DMD: variants seen among roughly 807,000 people sequenced by gnomAD.
The protein encoded by DMD is mutant dystrophin.
A neutral mutation model predicts 330.1 loss-of-function variants in DMD; 63 were observed. The observed-to-expected ratio is 0.19, with a 90% CI of 0.16 to 0.24. The LOEUF is 0.24. Ranked by LOEUF, DMD falls within the 10% of genes least tolerant of loss-of-function variation. The pLI, the probability that DMD is intolerant of heterozygous loss-of-function variation, is 1.00. For missense variants in DMD, 3,344 were observed against 2,684.1 expected (o/e 1.25, Z -5.43); for synonymous variants, 1,223 against 959.8 (o/e 1.27, Z -5.07).
intron 18 of DMD, among the ~76,000 whole-genome samples, chrX:32,514,578 A>G (rs2045663883): frequency 9.0e-6 from 1 of 111,683 alleles, no homozygotes; most frequent in African/African-American, 3.3e-5. Context: ...CGTCTCTACT[A>G]AAAATACAAA....
chrX:31,687,249 T>C (rs763596960), intron 52 of DMD, among the ~76,000 whole-genome samples: 2 of 110,850 alleles, frequency 1.8e-5, no homozygotes, highest in Admixed American at 1.9e-4. Flanking sequence ...GCTGTGGTGG[T>C]TATGGTGAAA....
At chrX:32,413,442 C>G (rs755566502) in intron 29 of DMD, among the ~76,000 whole-genome samples, 14 of 111,245 alleles carry the variant, frequency 1.3e-4, no homozygotes, top group Non-Finnish European at 2.4e-4. Context: ...CATCATGTTG[C>G]ATCTAATCAG....
chrX:31,617,534 C>CAAAAAAA (rs749572753), intron 55 of DMD, among the ~76,000 whole-genome samples: 16 of 32,043 alleles, frequency 5.0e-4, no homozygotes, highest in Admixed American at 2.7e-3. Flanking sequence ...GACTTCGTCT[C>CAAAAAAA]AAAAAAAAAA....
chrX:32,803,464 C>T lies in DMD; in HGVS notation c.649+6029G>A, dbSNP rs113895862. ...TAAGGGTTTTTCGTGTCTCTATCTCCTTCAGTTCTGCTCTTAGTTATTTGT... is the reference window on the plus strand; with the variant it reads ...TAAGGGTTTTTCGTGTCTCTATCTCTTTCAGTTCTGCTCTTAGTTATTTGT... On this transcript the variant is annotated intron_variant, in intron 7 of 78. Coordinates refer to ENST00000357033, the MANE Select transcript of DMD (RefSeq NM_004006.3). 4.2e-3 allele frequency among the ~76,000 whole-genome samples: 460 copies of T among 109,127 alleles called. 1 individual carries two copies. The highest frequency in any genetic ancestry group is 0.014 in the African/African-American group (432 of 29,866). 94.8% of individuals were successfully genotyped at this position (109,127 alleles called of 115,157 possible).
intron 67 of DMD, 126 bp from the exon 68 acceptor site, chrX:31,183,030 G>A: frequency 1.7e-6 from 1 of 599,983 alleles, no homozygotes; most frequent in South Asian, 3.1e-5. Context: ...AACAATGGTT[G>A]CAAAGCTAGG....
chrX:32,974,596 A>C (rs770169382), intron 2 of DMD, among the ~76,000 whole-genome samples: 1 of 110,955 alleles, frequency 9.0e-6, no homozygotes, highest in Non-Finnish European at 1.9e-5. Flanking sequence ...GGGTTTGTTC[A>C]TTTTTGTTTT....
intron 7 of DMD, among the ~76,000 whole-genome samples, chrX:32,701,169 G>A (rs190353858): frequency 4.5e-5 from 5 of 111,782 alleles, no homozygotes; most frequent in African/African-American, 1.6e-4. Context: ...CCCAAGTGAT[G>A]CTGAAACTGC....
At chrX:31,153,378 T>A (rs1167631194) in intron 74 of DMD, among the ~76,000 whole-genome samples, 1 of 112,292 alleles carries the variant, frequency 8.9e-6, no homozygotes, top group East Asian at 2.8e-4. Flanking sequence ...CAAATAGTAA[T>A]CCTGGCTTTG....
chrX:32,611,634 C>T (rs2057181785), intron 12 of DMD, among the ~76,000 whole-genome samples: 1 of 111,510 alleles, frequency 9.0e-6, no homozygotes, highest in Non-Finnish European at 1.9e-5. Flanking sequence ...TGTTCAGCGT[C>T]CCAAGCTAAG....
chrX:33,103,741 ATACT>A (rs1355012159), intron 1 of DMD, among the ~76,000 whole-genome samples: 2 of 111,632 alleles, frequency 1.8e-5, no homozygotes, highest in Non-Finnish European at 3.8e-5. Context: ...TTAGAAAAGC[ATACT>A]TACTTATGTC....
Position 32,287,593 on chromosome X carries a change from C to T in DMD, c.6226G>A (p.Glu2076Lys). ...TGGAAATCAAGCTGGGAGAGAGCTT[C>T]CTGTAGCTTCACCCTTTCCACAGGC... ...ATPVERVKLQ[E>K]ALSQLDFQWE... The change falls in exon 43 of 79, where the codon GAA becomes AAA. Residue 2076 changes from glutamate to lysine, a missense_variant. By Grantham distance (56) the Glu-to-Lys change is moderately conservative. Transcript: ENST00000357033. The T allele has an allele frequency of 2.5e-6, 3 of 1,210,915 alleles. No homozygotes were observed. Among genetic ancestry groups the T allele is most frequent in the African/African-American group, 1.7e-5 (1 of 57,714 alleles).
In DMD at chrX:33,004,581, G is replaced by A. The variant is rs1043422959; in HGVS notation, c.93+15558C>T. 6.3e-5 allele frequency among the ~76,000 whole-genome samples: 7 copies of A among 110,488 alleles called. No individual in the cohort carries two copies. The East Asian group carries it at 1.7e-3, about 27-fold the overall frequency. On this transcript the variant is annotated intron_variant, in intron 2 of 78. Coordinates refer to ENST00000357033, the MANE Select transcript of DMD (RefSeq NM_004006.3). ...TTTTATGTTTCCCTATCCCTTCATC[G>A]ATATTTATTTTTAGTGTTTTTCTGG... is the stretch of plus-strand genomic sequence containing the variant.
At chrX:33,041,518 G>A in intron 1 of DMD, 1 of 1,206,716 alleles carries the variant, frequency 8.3e-7, no homozygotes, top group Non-Finnish European at 1.1e-6. Flanking sequence ...AAAAATGAGA[G>A]CTGAAGATGG....
intron 7 of DMD, among the ~76,000 whole-genome samples, chrX:32,795,807 A>G (rs1379399950): frequency 8.9e-6 from 1 of 111,763 alleles, no homozygotes; most frequent in Admixed American, 9.5e-5. Flanking sequence ...GACAATAATA[A>G]GTATTTCTCA....
intron 55 of DMD, among the ~76,000 whole-genome samples, chrX:31,553,421 G>A (rs1271877142): frequency 9.0e-6 from 1 of 111,653 alleles, no homozygotes; most frequent in Non-Finnish European, 1.9e-5. Flanking sequence ...TTAGGTTGGT[G>A]CAAAAGTAAT....
chrX:32,123,244 A>T (rs867730565), intron 44 of DMD, among the ~76,000 whole-genome samples: 778 of 42,283 alleles, frequency 0.018, 20 homozygotes, highest in African/African-American at 0.059. Context: ...TATATATATA[A>T]ATGATCAAAA....
intron 44 of DMD, among the ~76,000 whole-genome samples, chrX:32,196,130 GA>G (rs768725632): frequency 5.9e-4 from 66 of 111,584 alleles, no homozygotes; most frequent in African/African-American, 2.1e-3. Flanking sequence ...AACTATTTTG[GA>G]AAAAAATGTA....
chrX:31,756,086 C>T (rs2089053273), intron 51 of DMD, among the ~76,000 whole-genome samples: 1 of 111,061 alleles, frequency 9.0e-6, no homozygotes, highest in Non-Finnish European at 1.9e-5. Context: ...TAAGAAATTA[C>T]TTTATGGAGA....
At chrX:32,777,282 G>T (rs112710562) in intron 7 of DMD, among the ~76,000 whole-genome samples, 1 of 54,132 alleles carries the variant, frequency 1.8e-5, no homozygotes, top group Non-Finnish European at 3.7e-5. Context: ...CTGGTTGGGG[G>T]GGGAATCCTA....
Sources: gnomAD v4.1 joint callset for allele counts (sites outside exome capture counted in the v4.1 genomes callset) on GRCh38, gnomAD v4.1.1 for gene constraint, MANE v1.5 for transcripts, NCBI Gene and HGNC (gene_info 2026-07-23, HGNC 2026-07-21) for gene names.